CCDC69: variants seen among roughly 807,000 people sequenced by gnomAD.
CCDC69 encodes the protein coiled-coil domain-containing protein 69.
Under a neutral mutation model 40.3 loss-of-function variants are expected in CCDC69, and 38 were observed. The ratio of observed to expected loss-of-function variants is 0.94; its 90% confidence interval spans 0.73 to 1.24. CCDC69 has a LOEUF of 1.24. Among genes scored for constraint, CCDC69 ranks in the 50% most tolerant of loss-of-function variants. The pLI is 0.00. For missense variants in CCDC69, 389 were observed against 357.9 expected (o/e 1.09, Z -0.70); for synonymous variants, 141 against 138.9 (o/e 1.02, Z -0.11).
chr5:151,185,254 A>AGCCTG, intron 7 of CCDC69, 168 bp downstream of exon 7: 1 of 676,320 alleles, frequency 1.5e-6, no homozygotes, highest in South Asian at 1.7e-5. Context: ...TGCTTGACCC[A>AGCCTG]GCCTGGCCAC....
intron 1 of CCDC69, among the ~76,000 whole-genome samples, chr5:151,216,999 G>A (rs1753053735): frequency 6.6e-6 from 1 of 152,042 alleles, no homozygotes; most frequent in Non-Finnish European, 1.5e-5. Context: ...CCAGATGGAA[G>A]GACTACATTC....
At chr5:151,184,496 T>C (rs1752443577) in intron 7 of CCDC69, 55 bp from the exon 8 acceptor site, 2 of 1,091,036 alleles carry the variant, frequency 1.8e-6, no homozygotes, top group African/African-American at 1.5e-5. Flanking sequence ...GCACGATGTG[T>C]GCTGTCACCT....
chr5:151,205,622 C>T (rs550165916), intron 1 of CCDC69, 147 bp from the exon 2 acceptor site: 15 of 676,784 alleles, frequency 2.2e-5, no homozygotes, highest in Middle Eastern at 3.7e-4. Flanking sequence ...TGGGCTGCCT[C>T]GCAGCCCCAG....
chr5:151,194,135 A>G (rs1752661686), intron 4 of CCDC69, among the ~76,000 whole-genome samples: 1 of 152,260 alleles, frequency 6.6e-6, no homozygotes, highest in Admixed American at 6.5e-5. Context: ...GTCACTCTGG[A>G]AGACAGTTTA....
In CCDC69 at chr5:151,181,689, A is replaced by C. The variant is rs767961464; in HGVS notation, c.*1748T>G. 3.9e-5 allele frequency: 6 copies of C among 152,266 alleles called. No individual in the cohort carries two copies. The highest frequency in any genetic ancestry group is 7.3e-5 in the Non-Finnish European group (5 of 68,060). 9.4% of individuals were successfully genotyped at this position (152,266 alleles called of 1,614,324 possible). On this transcript the variant is annotated 3_prime_UTR_variant, in exon 9 of 9. Coordinates refer to ENST00000355417, the MANE Select transcript of CCDC69 (RefSeq NM_015621.3). ...TATTAAAGGTTCTGAGAAGTCATTC[A>C]GGTCACTGATCTGTTTAGGTGTCCC...
intron 2 of CCDC69, among the ~76,000 whole-genome samples, chr5:151,202,070 C>T (rs376189499): frequency 1.6e-4 from 24 of 151,900 alleles, no homozygotes; most frequent in African/African-American, 5.3e-4. Context: ...AAAAATTAGT[C>T]GCTGGCCAGA....
chr5:151,194,554 G>A (rs1244889907), intron 4 of CCDC69, among the ~76,000 whole-genome samples: 2 of 152,258 alleles, frequency 1.3e-5, no homozygotes, highest in East Asian at 3.9e-4. Context: ...GGCTTTTTGG[G>A]AGTGATAAAA....
At chr5:151,203,688 AAT>A (rs1752809035) in intron 2 of CCDC69, among the ~76,000 whole-genome samples, 3 of 136,534 alleles carry the variant, frequency 2.2e-5, no homozygotes, top group Non-Finnish European at 1.5e-5. Flanking sequence ...TATATAATAA[AAT>A]ATATATAGTA....
chr5:151,197,573 A>G (rs1407718820), intron 4 of CCDC69, among the ~76,000 whole-genome samples: 1 of 151,984 alleles, frequency 6.6e-6, no homozygotes, highest in African/African-American at 2.4e-5. Context: ...CAAACAAAAA[A>G]AGTGCCTGCT....
intron 1 of CCDC69, among the ~76,000 whole-genome samples, chr5:151,216,751 G>T (rs1381111742): frequency 2.0e-5 from 3 of 152,236 alleles, no homozygotes; most frequent in African/African-American, 4.8e-5. Context: ...ACGCATTCAA[G>T]AATTACTTAT....
At chr5:151,217,169 A>AT (rs1431784654) in intron 1 of CCDC69, among the ~76,000 whole-genome samples, 3 of 152,232 alleles carry the variant, frequency 2.0e-5, no homozygotes, top group African/African-American at 7.2e-5. Context: ...AAAATATCAT[A>AT]TGTACCTGAG....
chr5:151,195,026 G>C (rs1752678356), intron 4 of CCDC69, among the ~76,000 whole-genome samples: 1 of 151,936 alleles, frequency 6.6e-6, no homozygotes, highest in Non-Finnish European at 1.5e-5. Context: ...ATCGAATGTG[G>C]AAAATCACCA....
chr5:151,187,246 G>C (rs1465917267), intron 5 of CCDC69, 140 bp downstream of exon 5: 7 of 674,122 alleles, frequency 1.0e-5, no homozygotes, highest in Non-Finnish European at 1.6e-5. Flanking sequence ...CAAGGGGCCT[G>C]GATACACAGA....
At chr5:151,222,432 G>A (rs1753147676) in intron 1 of CCDC69, among the ~76,000 whole-genome samples, 1 of 152,202 alleles carries the variant, frequency 6.6e-6, no homozygotes, top group Non-Finnish European at 1.5e-5. Flanking sequence ...CCACCTCTAG[G>A]TAGATGGAAT....
intron 3 of CCDC69, among the ~76,000 whole-genome samples, chr5:151,200,278 A>G (rs1752759124): frequency 6.6e-6 from 1 of 152,052 alleles, no homozygotes; most frequent in Non-Finnish European, 1.5e-5. Context: ...AGCTGGGATT[A>G]CAGGCATGTG....
At chr5:151,184,093 G>T (rs1054968914) in intron 8 of CCDC69, among the ~76,000 whole-genome samples, 1 of 152,050 alleles carries the variant, frequency 6.6e-6, no homozygotes, top group Non-Finnish European at 1.5e-5. Flanking sequence ...TCCCTATATT[G>T]GGCTTTCCCA....
At chr5:151,187,803 A>ACAAT (rs1451927064) in intron 4 of CCDC69, among the ~76,000 whole-genome samples, 1 of 152,250 alleles carries the variant, frequency 6.6e-6, no homozygotes, top group Admixed American at 6.5e-5. Context: ...AATGCATAGG[A>ACAAT]CAATGCTTTG....
intron 1 of CCDC69, among the ~76,000 whole-genome samples, chr5:151,216,258 C>G (rs1301745566): frequency 6.6e-6 from 1 of 151,826 alleles, no homozygotes; most frequent in Non-Finnish European, 1.5e-5. Context: ...CATGCCCGGC[C>G]AACTATTACT....
At position 151,206,279 on chromosome 5, in the gene CCDC69, T is replaced by C. The variant is rs1362235847; in HGVS notation, c.49-804A>G. 4.6e-5 allele frequency among the ~76,000 whole-genome samples: 7 copies of C among 152,262 alleles called. No individual in the cohort carries two copies. The Middle Eastern group carries it at 0.014, about 296-fold the overall frequency. ...AGGGAGGGAGCTTCCATGCCCTCCT[T>C]GGGGGCTACCATCCAGGAACCTCCA... is the stretch of plus-strand genomic sequence containing the variant. On this transcript the variant is annotated intron_variant, in intron 1 of 8. Coordinates refer to ENST00000355417, the MANE Select transcript of CCDC69 (RefSeq NM_015621.3).
Sources: allele counts gnomAD v4.1 joint callset (sites outside exome capture counted in the v4.1 genomes callset), GRCh38; gene constraint gnomAD v4.1.1; transcripts MANE v1.5; gene names NCBI Gene and HGNC (gene_info 2026-07-23, HGNC 2026-07-21).